TENM2: variants seen among roughly 807,000 people sequenced by gnomAD.
The protein encoded by TENM2 is teneurin transmembrane protein 2, also known as teneurin-2.
In TENM2, 52 loss-of-function variants were observed where a neutral mutation model predicts 245.2. The observed-to-expected ratio is 0.21, with a 90% CI of 0.17 to 0.27. The LOEUF (loss-of-function observed/expected upper bound fraction) is 0.27. Among genes scored for constraint, TENM2 ranks in the 10% least tolerant of loss-of-function variants. TENM2 has a pLI of 1.00. For synonymous variants in TENM2, 1,363 were observed against 1,438.9 expected (o/e 0.95, Z 1.19); for missense variants, 3,046 against 3,666.8 (o/e 0.83, Z 4.37).
intron 25 of TENM2, among the ~76,000 whole-genome samples, chr5:168,242,977 T>C (rs1039215601): frequency 1.3e-5 from 2 of 151,234 alleles, no homozygotes; most frequent in African/African-American, 2.4e-5. Flanking sequence ...AAAAACTTAT[T>C]ATTACTATCA....
At position 167,534,474 on chromosome 5, in the gene TENM2, AAAC is replaced by A. The variant is rs753265043; in HGVS notation, c.502+159007_502+159009del. On this transcript the variant is annotated intron_variant, in intron 2 of 28. Coordinates refer to ENST00000518659, the Ensembl canonical transcript of TENM2. Reference sequence around the variant, plus strand: ...AGCCAGTTAAATTTGAATTTCAGATAAACAACAAGTAATCTTTTTTAGCATAAG... The same window carrying A: ...AGCCAGTTAAATTTGAATTTCAGATAAACAAGTAATCTTTTTTAGCATAAG... Among the ~76,000 whole-genome samples, 19 of 152,342 alleles carry A rather than the reference AAAC, an allele frequency of 1.2e-4. No individual in the cohort carries two copies. The East Asian group carries it at 2.5e-3, about 20-fold the overall frequency.
chr5:167,762,662 T>C (rs983509033), intron 2 of TENM2, among the ~76,000 whole-genome samples: 5 of 152,224 alleles, frequency 3.3e-5, no homozygotes, highest in Non-Finnish European at 5.9e-5. Flanking sequence ...AGGCAAAGTC[T>C]TTTACAGATT....
intron 3 of TENM2, among the ~76,000 whole-genome samples, chr5:167,932,775 A>G (rs537133096): frequency 2.6e-5 from 4 of 152,088 alleles, no homozygotes; most frequent in African/African-American, 9.6e-5. Flanking sequence ...CTTCTTTTTC[A>G]CAATCCTTCA....
chr5:167,358,761 C>T (rs1759506366), intron 1 of TENM2, among the ~76,000 whole-genome samples: 1 of 150,684 alleles, frequency 6.6e-6, no homozygotes, highest in Non-Finnish European at 1.5e-5. Context: ...ATGTCAAACA[C>T]CCAAAGTAAA....
At chr5:167,162,939 T>C in the TENM2 span, among the ~76,000 whole-genome samples, 11 of 152,200 alleles carry the variant, frequency 7.2e-5, no homozygotes, top group East Asian at 2.1e-3. Flanking sequence ...GCCTCTCAAT[T>C]GAATGGGTAG....
At chr5:168,233,827 A>G (rs1765166665) in intron 25 of TENM2, among the ~76,000 whole-genome samples, 1 of 152,200 alleles carries the variant, frequency 6.6e-6, no homozygotes, top group African/African-American at 2.4e-5. Flanking sequence ...ACTTGACGGC[A>G]TCAAGAGAAA....
chr5:167,111,811 A>G, the TENM2 span, among the ~76,000 whole-genome samples: 1 of 152,326 alleles, frequency 6.6e-6, no homozygotes, highest in African/African-American at 2.4e-5. Context: ...GTACAATACA[A>G]TTATTGAGTG....
At chr5:167,319,449 T>G (rs1451656327) in intron 1 of TENM2, among the ~76,000 whole-genome samples, 1 of 152,188 alleles carries the variant, frequency 6.6e-6, no homozygotes, top group Non-Finnish European at 1.5e-5. Flanking sequence ...ATGATCATTA[T>G]TATGTTAATT....
rs1759438227 is a variant in TENM2, at chr5:167,718,858, C to G, written c.503-157128C>G. Among the ~76,000 whole-genome samples the G allele has an allele frequency of 6.6e-5, 10 of 151,988 alleles. No individual in the cohort carries two copies. In the South Asian group the frequency reaches 1.9e-3, roughly 28 times the overall value. ...CCTCTCTGAGCCTCAGTTTCCTTAT[C>G]AGCACAATGATGATACTACTGCCCA... is the stretch of plus-strand genomic sequence containing the variant. On this transcript the variant is annotated intron_variant, in intron 2 of 28. Coordinates refer to ENST00000518659, the Ensembl canonical transcript of TENM2.
At position 168,157,946 on chromosome 5, in the gene TENM2, C is replaced by T. The variant is rs537080218; in HGVS notation, c.2423-4665C>T. 2.2e-3 allele frequency among the ~76,000 whole-genome samples: 331 copies of T among 151,964 alleles called. 2 individuals carry two copies. Among genetic ancestry groups the T allele is most frequent in the African/African-American group, 7.6e-3 (315 of 41,430 alleles). ...GTTGTTGTTGTTGTTGTTTTGAGAC[C>T]GAGTCTCACTCTGTCGCCTAGACTA... On this transcript the variant is annotated intron_variant, in intron 12 of 28. Transcript: ENST00000518659.
chr5:167,389,592 C>T (rs1413936080), intron 2 of TENM2, among the ~76,000 whole-genome samples: 1 of 152,024 alleles, frequency 6.6e-6, no homozygotes, highest in East Asian at 1.9e-4. Flanking sequence ...ATTTTAGTTG[C>T]AGTAAAGAGC....
chr5:167,163,215 C>T, the TENM2 span, among the ~76,000 whole-genome samples: 9 of 152,286 alleles, frequency 5.9e-5, no homozygotes, highest in South Asian at 1.9e-3. Flanking sequence ...TGGTCCTTTG[C>T]TTCAGCCTCC....
rs1250251445 is a variant in TENM2 at position 167,456,323 on chromosome 5, A to G, written c.502+80850A>G. ...CTTAATTTTATTCCATAGGTAGTTAATGATCTTTATGTTTTATTCTATAGC... is the reference window on the plus strand; with the variant it reads ...CTTAATTTTATTCCATAGGTAGTTAGTGATCTTTATGTTTTATTCTATAGC... On this transcript the variant is annotated intron_variant, in intron 2 of 28. Transcript: ENST00000518659. 1.2e-4 allele frequency among the ~76,000 whole-genome samples: 18 copies of G among 152,194 alleles called. 1 individual carries two copies. The highest frequency in any genetic ancestry group is 2.9e-5 in the Non-Finnish European group (2 of 68,040).
the TENM2 span, among the ~76,000 whole-genome samples, chr5:167,187,166 T>C: frequency 6.6e-6 from 1 of 152,174 alleles, no homozygotes; most frequent in Non-Finnish European, 1.5e-5. Context: ...TCTGTTCTGG[T>C]AGACATCAAA....
intron 2 of TENM2, among the ~76,000 whole-genome samples, chr5:167,623,069 G>A (rs1778275046): frequency 6.6e-6 from 1 of 152,122 alleles, no homozygotes; most frequent in Admixed American, 6.6e-5. Context: ...CAAATAAAAT[G>A]TTGCAGTAAG....
At chr5:167,741,296 TTAGATGC>T (rs533503097) in intron 2 of TENM2, among the ~76,000 whole-genome samples, 2 of 152,278 alleles carry the variant, frequency 1.3e-5, no homozygotes, top group Non-Finnish European at 2.9e-5. Flanking sequence ...CTGTCCCAGA[TTAGATGC>T]TCAACAAGTA....
At chr5:167,356,216 A>AAAAAAAAAAAG (rs1412322682) in intron 1 of TENM2, among the ~76,000 whole-genome samples, 4 of 134,398 alleles carry the variant, frequency 3.0e-5, no homozygotes, top group African/African-American at 1.3e-4. Context: ...AAAAAAAAAA[A>AAAAAAAAAAAG]AAAAATTAAA....
At chr5:167,787,824 C>G (rs377201158) in intron 2 of TENM2, among the ~76,000 whole-genome samples, 1 of 152,162 alleles carries the variant, frequency 6.6e-6, no homozygotes, top group Non-Finnish European at 1.5e-5. Flanking sequence ...TAAAGGAAAA[C>G]TAGAGGATTG....
intron 2 of TENM2, among the ~76,000 whole-genome samples, chr5:167,608,188 C>T (rs12187130): frequency 0.011 from 1,727 of 152,252 alleles, 20 homozygotes; most frequent in Non-Finnish European, 0.018. Flanking sequence ...CTACTGTCAG[C>T]CAGAAACAAA....
Sources: gnomAD v4.1 joint callset for allele counts (sites outside exome capture counted in the v4.1 genomes callset) on GRCh38, gnomAD v4.1.1 for gene constraint, MANE v1.5 for transcripts, NCBI Gene and HGNC (gene_info 2026-07-23, HGNC 2026-07-21) for gene names.